CDC42EP1: variants seen among roughly 807,000 people sequenced by gnomAD.
The protein encoded by CDC42EP1 is CDC42 effector protein 1.
Under a neutral mutation model 7.4 loss-of-function variants are expected in CDC42EP1, and 6 were observed. The ratio of observed to expected loss-of-function variants is 0.81; its 90% CI spans 0.44 to 1.60. The LOEUF (loss-of-function observed/expected upper bound fraction) is 1.60. Among genes scored for constraint, CDC42EP1 ranks in the 40% most tolerant of loss-of-function variants. The pLI, the probability that CDC42EP1 is intolerant of heterozygous loss-of-function variation, is 0.01. For missense variants in CDC42EP1, 567 were observed against 539.0 expected, an observed-to-expected ratio of 1.05 and a Z score of -0.51; for synonymous variants, 238 against 227.1, an observed-to-expected ratio of 1.05 and a Z score of -0.43.
intron 1 of CDC42EP1, 95 bp downstream of exon 1, chr22:37,560,683 G>A (rs1237176968): frequency 1.3e-5 from 2 of 151,340 alleles, no homozygotes; most frequent in African/African-American, 4.8e-5. Flanking sequence ...TAGGCTCCCG[G>A]GGCCGGAACG....
intron 1 of CDC42EP1, among the ~76,000 whole-genome samples, chr22:37,565,346 C>T (rs5756729): frequency 0.49 from 73,594 of 151,352 alleles, 19,692 homozygotes; most frequent in Non-Finnish European, 0.59. Flanking sequence ...CACCACCACA[C>T]CCAACTAATT....
Position 37,568,772 on chromosome 22 carries a change from C to T in CDC42EP1, c.1128C>T (p.Asn376=). The change falls in exon 3 of 3, where the codon AAC becomes AAT. Residue 376 remains asparagine (N), a synonymous_variant. Transcript: ENST00000249014. Reference sequence around the variant, plus strand: ...CAGTGCCCAGCACAGTGCAAGCAAACACCTTTGAATTTGCGGATGCTGAGG... The same window carrying T: ...CAGTGCCCAGCACAGTGCAAGCAAATACCTTTGAATTTGCGGATGCTGAGG... ...RTPVPSTVQA[N]TFEFADAEED... 1 of 1,501,782 alleles carries T rather than the reference C, an allele frequency of 6.7e-7. No homozygotes were observed. Among genetic ancestry groups the T allele is most frequent in the Non-Finnish European group, 8.9e-7 (1 of 1,124,686 alleles). 93.0% of individuals were successfully genotyped at this position (1,501,782 alleles called of 1,614,324 possible).
intron 1 of CDC42EP1, among the ~76,000 whole-genome samples, chr22:37,563,317 C>G (rs904029014): frequency 3.9e-5 from 6 of 152,192 alleles, no homozygotes; most frequent in Admixed American, 3.9e-4. Context: ...CCCTTCCCTC[C>G]GAACCTCAGT....
At position 37,566,598 on chromosome 22, in the gene CDC42EP1, C is replaced by A; in HGVS notation, c.249C>A (p.Ala83=). The A allele has an allele frequency of 6.3e-7, 1 of 1,599,394 alleles. No homozygotes were observed. ...ATCGCTCACCCCGCAGCTTCCTGGCCAAGAAGCTGCAGCTGGTGCGGAGGG... is the reference window on the plus strand; with the variant it reads ...ATCGCTCACCCCGCAGCTTCCTGGCAAAGAAGCTGCAGCTGGTGCGGAGGG... ...STHRSPRSFL[A]KKLQLVRRVG... The change falls in exon 2 of 3, where the codon GCC becomes GCA. Residue 83 remains alanine, a synonymous_variant. Coordinates refer to ENST00000249014, the MANE Select transcript of CDC42EP1 (RefSeq NM_152243.3). This position sits in a 1 kb window ranked among gnomAD's most constrained non-coding sequence, Gnocchi z 6.4.
chr22:37,568,693 C>A lies in CDC42EP1; in HGVS notation c.1049C>A (p.Ser350Tyr). 1 of 1,540,268 alleles carries A rather than the reference C, an allele frequency of 6.5e-7. No homozygotes were observed. The highest frequency in any genetic ancestry group is 8.7e-7 in the Non-Finnish European group (1 of 1,143,124). The change falls in exon 3 of 3, where the codon TCC becomes TAC. Residue 350 changes from serine (S) to tyrosine (Y), a missense_variant. Coordinates refer to ENST00000249014, the MANE Select transcript of CDC42EP1 (RefSeq NM_152243.3). Reference protein sequence around the residue: ...RVEVLPQARASWESLDEEWRA... With the variant: ...RVEVLPQARAYWESLDEEWRA... ...GAGGTGCTGCCCCAAGCCCGGGCCT[C>A]CTGGGAGAGCCTGGACGAAGAGTGG...
chr22:37,568,380 C>G lies in CDC42EP1; in HGVS notation c.736C>G (p.Pro246Ala), dbSNP rs202036648. 1 of 1,481,140 alleles carries G rather than the reference C, an allele frequency of 6.8e-7. No homozygotes were observed. Among genetic ancestry groups the G allele is most frequent in the African/African-American group, 1.4e-5 (1 of 72,956 alleles). The allele number at this position is 1,481,140 out of a possible 1,614,324, so 91.7% of individuals were successfully genotyped here. ...ANPTGPAANP[P>A]ATTANPPAPA... Reference sequence around the variant, plus strand: ...CCCCACGGGTCCTGCTGCAAACCCCCCAGCCACTACTGCAAACCCCCCAGC... The same window carrying G: ...CCCCACGGGTCCTGCTGCAAACCCCGCAGCCACTACTGCAAACCCCCCAGC... Residue 246 changes from proline to alanine, a missense_variant, in exon 3 of 3, where the codon CCA becomes GCA. By Grantham distance (27) the Pro-to-Ala change is conservative. Coordinates refer to ENST00000249014, the MANE Select transcript of CDC42EP1 (RefSeq NM_152243.3).
rs1303485815 is a variant in CDC42EP1 at position 37,568,398 on chromosome 22, C to G, written c.754C>G (p.Pro252Ala). The G allele has an allele frequency of 1.1e-5, 17 of 1,495,490 alleles. No individual in the cohort carries two copies. Among genetic ancestry groups the G allele is most frequent in the Non-Finnish European group, 1.4e-5 (15 of 1,090,494 alleles). 92.6% of individuals were successfully genotyped at this position (1,495,490 alleles called of 1,614,324 possible). A position where few individuals can be genotyped will look rare whatever the true frequency, so the allele number is the denominator to read the frequency against. The part of the protein sequence containing the change: ...AANPPATTAN[P>A]PAPAANPSAP... ...AAACCCCCCAGCCACTACTGCAAAC[C>G]CCCCAGCGCCTGCTGCAAACCCCTC... The change falls in exon 3 of 3, where the codon CCC becomes GCC. Residue 252 changes from proline (P) to alanine (A), a missense_variant. Coordinates refer to ENST00000249014, the MANE Select transcript of CDC42EP1 (RefSeq NM_152243.3).
chr22:37,562,824 G>C (rs1925095101), intron 1 of CDC42EP1, among the ~76,000 whole-genome samples: 1 of 152,180 alleles, frequency 6.6e-6, no homozygotes, highest in South Asian at 2.1e-4. Flanking sequence ...AGAAGTCAGG[G>C]AGGCCAGGTG....
chr22:37,561,061 C>G (rs1011515380), intron 1 of CDC42EP1, among the ~76,000 whole-genome samples: 1 of 152,136 alleles, frequency 6.6e-6, no homozygotes, highest in Non-Finnish European at 1.5e-5. Context: ...GCATTCCAGG[C>G]TGGAGCCGCG....
intron 1 of CDC42EP1, among the ~76,000 whole-genome samples, chr22:37,561,408 C>A (rs866985717): frequency 6.6e-6 from 1 of 152,204 alleles, no homozygotes; most frequent in Admixed American, 6.5e-5. Flanking sequence ...CGGGCTGGTT[C>A]GGCTCTAACT....
intron 1 of CDC42EP1, among the ~76,000 whole-genome samples, chr22:37,562,991 C>T (rs1156827062): frequency 6.6e-6 from 1 of 152,042 alleles, no homozygotes; most frequent in African/African-American, 2.4e-5. Context: ...TGCCTGTAGT[C>T]CCAGCTACTC....
Position 37,568,692 on chromosome 22 carries a change from T to C in CDC42EP1, c.1048T>C (p.Ser350Pro). Residue 350 changes from serine (S) to proline (P), a missense_variant, in exon 3 of 3, where the codon TCC (serine) becomes CCC (proline). Ser to Pro is a moderately conservative substitution (Grantham distance 74). Coordinates refer to ENST00000249014, the MANE Select transcript of CDC42EP1 (RefSeq NM_152243.3). ...RVEVLPQARASWESLDEEWRA... is the reference protein window; with the variant it reads ...RVEVLPQARAPWESLDEEWRA... The stretch of plus-strand genomic sequence containing the variant: ...GGAGGTGCTGCCCCAAGCCCGGGCC[T>C]CCTGGGAGAGCCTGGACGAAGAGTG... 1 of 1,541,892 alleles carries C rather than the reference T, an allele frequency of 6.5e-7. No individual in the cohort carries two copies. Among genetic ancestry groups the C allele is most frequent in the Non-Finnish European group, 8.7e-7 (1 of 1,143,648 alleles).
Position 37,568,183 on chromosome 22 carries a change from C to T in CDC42EP1, c.539C>T (p.Ser180Phe). The T allele has an allele frequency of 6.2e-7, 1 of 1,614,022 alleles. No individual in the cohort carries two copies. The highest frequency in any genetic ancestry group is 8.5e-7 in the Non-Finnish European group (1 of 1,179,982). ...CCGCATGACCGAGACCGGGATGGTT[C>T]CTTCCCCTCTGAGCCCGGGCTTCGC... Reference protein sequence around the residue: ...EKPHDRDRDGSFPSEPGLRRS... With the variant: ...EKPHDRDRDGFFPSEPGLRRS... The change falls in exon 3 of 3, where the codon TCC becomes TTC. Residue 180 changes from serine to phenylalanine, a missense_variant. Coordinates refer to ENST00000249014, the MANE Select transcript of CDC42EP1 (RefSeq NM_152243.3).
Position 37,566,659 on chromosome 22 carries a change from G to A in CDC42EP1, c.310G>A (p.Ala104Thr). 2.5e-6 allele frequency: 4 copies of A among 1,604,036 alleles called. No individual in the cohort carries two copies. The highest frequency in any genetic ancestry group is 1.7e-5 in the Admixed American group (1 of 59,200). ...CCCCCGGAGGATGGCATCTCCCCCT[G>A]CACCCTCCCCGGCTCCACCGGCCAT... ...APPRRMASPP[A>T]PSPAPPAISP... is the part of the protein sequence containing the mutation. Residue 104 changes from alanine to threonine, a missense_variant, in exon 2 of 3, where the codon GCA becomes ACA. Ala to Thr is a moderately conservative substitution (Grantham distance 58, BLOSUM62 0). Transcript: ENST00000249014. The surrounding 1 kb of genome is among the most constrained non-coding windows in gnomAD (Gnocchi z 6.4).
intron 1 of CDC42EP1, among the ~76,000 whole-genome samples, chr22:37,561,660 A>AGCT (rs1409154569): frequency 1.3e-5 from 2 of 151,658 alleles, no homozygotes; most frequent in Non-Finnish European, 2.9e-5. Flanking sequence ...GGTTTGGGGG[A>AGCT]GCTGCCGTAA....
At position 37,568,651 on chromosome 22, in the gene CDC42EP1, C is replaced by T. The variant is rs751767825; in HGVS notation, c.1007C>T (p.Ala336Val). 12 of 1,569,526 alleles carry T rather than the reference C, an allele frequency of 7.6e-6. No homozygotes were observed. The South Asian group carries it at 8.2e-5, about 11-fold the overall frequency. Residue 336 changes from alanine (A) to valine (V), a missense_variant, in exon 3 of 3, where the codon GCG becomes GTG. Physicochemically the swap from Ala to Val is moderately conservative, Grantham distance 64. Coordinates refer to ENST00000249014, the MANE Select transcript of CDC42EP1 (RefSeq NM_152243.3). ...GGCCACCACTACCCAGAGATGGATG[C>T]GCGGCAGGAGCGGGTGGAGGTGCTG... ...DGGHHYPEMDARQERVEVLPQ... is the reference protein window; with the variant it reads ...DGGHHYPEMDVRQERVEVLPQ...
At chr22:37,567,902 A>G (rs1219672546) in intron 2 of CDC42EP1, among the ~76,000 whole-genome samples, 1 of 152,208 alleles carries the variant, frequency 6.6e-6, no homozygotes, top group Non-Finnish European at 1.5e-5. Context: ...AATGAGGATA[A>G]TGATGATTTT....
rs1413537118 is a variant in CDC42EP1 at position 37,569,351 on chromosome 22, T to C, written c.*531T>C. 6.6e-6 allele frequency: 1 copy of C among 152,528 alleles called. No homozygotes were observed. 9.4% of individuals were successfully genotyped at this position (152,528 alleles called of 1,614,324 possible). The stretch of plus-strand genomic sequence containing the variant: ...CTCCCGGGGAGGAATCCCACCTGCC[T>C]GTATACCCCAGACTTGCCTCTGGGG... On this transcript the variant is annotated 3_prime_UTR_variant, in exon 3 of 3. Transcript: ENST00000249014.
chr22:37,564,927 C>T (rs868177447), intron 1 of CDC42EP1, among the ~76,000 whole-genome samples: 7 of 152,080 alleles, frequency 4.6e-5, no homozygotes, highest in Admixed American at 2.6e-4. Flanking sequence ...TACAGGCGCC[C>T]GCCACTACGC....
Sources: allele counts gnomAD v4.1 joint callset (sites outside exome capture counted in the v4.1 genomes callset), GRCh38; gene constraint gnomAD v4.1.1; non-coding constraint Gnocchi (gnomAD v3.1); transcripts MANE v1.5; gene names NCBI Gene and HGNC (gene_info 2026-07-23, HGNC 2026-07-21).